Variants in APOC1 observed in about 807,000 individuals in gnomAD.
APOC1 encodes the protein apolipoprotein C1.
A neutral mutation model predicts 6.7 loss-of-function variants in APOC1; 4 were observed. The observed-to-expected ratio is 0.60, with a 90% CI of 0.29 to 1.37. APOC1 has a LOEUF of 1.37. Ranked by LOEUF, APOC1 falls within the 40% of genes most tolerant of loss-of-function variation. The pLI, the probability that APOC1 is intolerant of heterozygous loss-of-function variation, is 0.09. For synonymous variants in APOC1, 33 were observed against 40.6 expected (o/e 0.81, Z 0.72); for missense variants, 122 against 99.4 (o/e 1.23, Z -0.97).
Position 44,919,317 on chromosome 19 carries a change from A to T in APOC1, c.*87A>T. ...CTGAGGACTCCCTCCATGTGGCCCC[A>T]GGTGCCACCAATAAAAATCCTACAG... On this transcript the variant is annotated 3_prime_UTR_variant, in exon 4 of 4. Transcript: ENST00000592535. 1.7e-6 allele frequency: 2 copies of T among 1,159,662 alleles called. No individual in the cohort carries two copies. The highest frequency in any genetic ancestry group is 2.6e-6 in the Non-Finnish European group (2 of 781,112). The allele number at this position is 1,159,662 out of a possible 1,614,324, so 71.8% of individuals were successfully genotyped here. A position where few individuals can be genotyped will look rare whatever the true frequency, so the allele number is the denominator to read the frequency against.
At chr19:44,915,527 T>C (rs1969988920) in intron 2 of APOC1, among the ~76,000 whole-genome samples, 1 of 150,934 alleles carries the variant, frequency 6.6e-6, no homozygotes, top group Non-Finnish European at 1.5e-5. Context: ...CTCGATCTCC[T>C]GACTTTGTGA....
intron 3 of APOC1, among the ~76,000 whole-genome samples, chr19:44,917,527 AT>A (rs1555791502): frequency 9.2e-5 from 14 of 151,852 alleles, no homozygotes; most frequent in Non-Finnish European, 1.0e-4. Flanking sequence ...GCAGTGCGCC[AT>A]GTTTGTGCCA....
At chr19:44,917,480 A>C (rs1262477570) in intron 3 of APOC1, among the ~76,000 whole-genome samples, 8 of 152,128 alleles carry the variant, frequency 5.3e-5, no homozygotes, top group Non-Finnish European at 1.2e-4. Flanking sequence ...TGGGAGGCTG[A>C]GGCGAGAGGA....
chr19:44,914,646 A>G lies in APOC1; in HGVS notation c.-108A>G, dbSNP rs1259779327. On this transcript the variant is annotated 5_prime_UTR_variant, in exon 1 of 4. Coordinates refer to ENST00000592535, the MANE Select transcript of APOC1 (RefSeq NM_001645.5). Reference sequence around the variant, plus strand: ...AAGGCTCAGGAGGAGGGAGATCAACATCAACCTGCCCCGCCCCCTCCCCAG... The same window carrying G: ...AAGGCTCAGGAGGAGGGAGATCAACGTCAACCTGCCCCGCCCCCTCCCCAG... 1.9e-6 allele frequency: 1 copy of G among 539,862 alleles called. No individual in the cohort carries two copies. Among genetic ancestry groups the G allele is most frequent in the Non-Finnish European group, 3.3e-6 (1 of 298,698 alleles). 33.4% of individuals were successfully genotyped at this position (539,862 alleles called of 1,614,324 possible).
chr19:44,917,936 T>C (rs193149179), intron 3 of APOC1, among the ~76,000 whole-genome samples: 9 of 150,804 alleles, frequency 6.0e-5, no homozygotes, highest in Admixed American at 2.0e-4. Flanking sequence ...ATCATGCCAC[T>C]GCACTCCAGC....
intron 3 of APOC1, among the ~76,000 whole-genome samples, chr19:44,918,511 GC>G (rs2122164811): frequency 6.7e-6 from 1 of 150,174 alleles, no homozygotes; most frequent in Admixed American, 6.6e-5. Flanking sequence ...ACAGGCACCT[GC>G]CACCACGCCA....
At chr19:44,916,682 T>G (rs1244788561) in intron 3 of APOC1, among the ~76,000 whole-genome samples, 1 of 151,154 alleles carries the variant, frequency 6.6e-6, no homozygotes, top group Non-Finnish European at 1.5e-5. Context: ...TAGGCAGGCA[T>G]GGTGGCGTGC....
At position 44,916,232 on chromosome 19, in the gene APOC1, T is replaced by C. The variant is rs753335188; in HGVS notation, c.101T>C (p.Leu34Ser). 1 of 1,609,832 alleles carries C rather than the reference T, an allele frequency of 6.2e-7. No individual in the cohort carries two copies. Among genetic ancestry groups the C allele is most frequent in the Non-Finnish European group, 8.5e-7 (1 of 1,178,308 alleles). The part of the protein sequence containing the change: ...AQGTPDVSSA[L>S]DKLKEFGNTL... ...GGGACCCCAGACGTCTCCAGTGCCT[T>C]GGATAAGCTGAAGGAGTTTGGAAAC... Residue 34 changes from leucine (L) to serine (S), a missense_variant, in exon 3 of 4, where the codon TTG (leucine) becomes TCG (serine). Leu to Ser is a moderately radical substitution (Grantham distance 145). Transcript: ENST00000592535.
intron 3 of APOC1, chr19:44,916,596 T>C: frequency 1.9e-6 from 1 of 533,250 alleles, no homozygotes; most frequent in South Asian, 2.8e-5. Context: ...GGTGGGCTGA[T>C]TGCCTGAGGT....
At chr19:44,916,731 A>G (rs899912106) in intron 3 of APOC1, among the ~76,000 whole-genome samples, 1 of 146,196 alleles carries the variant, frequency 6.8e-6, no homozygotes, top group Non-Finnish European at 1.5e-5. Flanking sequence ...GAGGCAGGGG[A>G]ATTGCTTGAA....
chr19:44,918,922 G>C, intron 3 of APOC1: 1 of 516,454 alleles, frequency 1.9e-6, no homozygotes, highest in South Asian at 2.9e-5. Flanking sequence ...GCCTCCCAAA[G>C]TGTTGGGATT....
In APOC1 at chr19:44,916,480, C is replaced by T. The variant is rs555051945; in HGVS notation, c.194+155C>T. The T allele has an allele frequency of 1.8e-3, 1,815 of 995,580 alleles. 3 individuals carry two copies. Among genetic ancestry groups the T allele is most frequent in the Non-Finnish European group, 2.5e-3 (1,713 of 685,888 alleles). The allele number at this position is 995,580 out of a possible 1,614,324, so 61.7% of individuals were successfully genotyped here. ...ACAGCTAGATCTCAAGGTGCTCAGA[C>T]TTCAAGGACAGTTTCCCTGACTCCC... On this transcript the variant is annotated intron_variant, in intron 3 of 3. Transcript: ENST00000592535.
At chr19:44,917,615 G>A (rs934864789) in intron 3 of APOC1, among the ~76,000 whole-genome samples, 1 of 134,974 alleles carries the variant, frequency 7.4e-6, no homozygotes, top group African/African-American at 2.7e-5. Flanking sequence ...AAAGAGAAAA[G>A]AAAGACAGGG....
At position 44,915,530 on chromosome 19, in the gene APOC1, CTT is replaced by C. The variant is rs1381557907; in HGVS notation, c.58+583_58+584del. 1.5e-4 allele frequency among the ~76,000 whole-genome samples: 22 copies of C among 151,172 alleles called. No homozygotes were observed. In the East Asian group the frequency reaches 4.4e-3, roughly 30 times the overall value. ...TTTCACCGTGGTCTCGATCTCCTGA[CTT>C]TGTGATCCGCCTGCCTCGACCTCCC... is the stretch of plus-strand genomic sequence containing the variant. On this transcript the variant is annotated intron_variant, in intron 2 of 3. Transcript: ENST00000592535.
At chr19:44,918,679 A>AT (rs1970050962) in intron 3 of APOC1, among the ~76,000 whole-genome samples, 1 of 146,044 alleles carries the variant, frequency 6.8e-6, no homozygotes, top group Non-Finnish European at 1.5e-5. Flanking sequence ...GCCCGGCCTT[A>AT]TTTTTTCTTT....
At position 44,916,234 on chromosome 19, in the gene APOC1, G is replaced by GATAAGCT. The variant is rs751007321; in HGVS notation, c.104_110dup (p.Lys38Ter). The GATAAGCT allele has an allele frequency of 1.9e-6, 3 of 1,613,138 alleles. No individual in the cohort carries two copies. The Admixed American group carries it at 5.0e-5, about 27-fold the overall frequency. ...GACCCCAGACGTCTCCAGTGCCTTG[G>GATAAGCT]ATAAGCTGAAGGAGTTTGGAAACAC... On this transcript the variant is annotated frameshift_variant, in exon 3 of 4. Coordinates refer to ENST00000592535, the MANE Select transcript of APOC1 (RefSeq NM_001645.5). LOFTEE classifies it high-confidence loss of function.
intron 3 of APOC1, among the ~76,000 whole-genome samples, chr19:44,916,825 A>C (rs73052335): frequency 0.086 from 12,473 of 144,600 alleles, 764 homozygotes; most frequent in Non-Finnish European, 0.12. Flanking sequence ...AAAAAAAAAA[A>C]AAAAAAAAAA....
At chr19:44,915,046 C>T (rs759121979) in intron 2 of APOC1, 97 bp downstream of exon 2, 36 of 1,381,256 alleles carry the variant, frequency 2.6e-5, no homozygotes, top group African/African-American at 2.3e-4. Flanking sequence ...CTGAGAGCTC[C>T]GGGGCCCCTT....
chr19:44,917,516 T>A (rs1433466551), intron 3 of APOC1, among the ~76,000 whole-genome samples: 5 of 151,996 alleles, frequency 3.3e-5, no homozygotes, highest in African/African-American at 1.2e-4. Flanking sequence ...AGATCTAGGC[T>A]GCAGTGCGCC....
Sources: gnomAD v4.1 joint callset for allele counts (sites outside exome capture counted in the v4.1 genomes callset) on GRCh38, gnomAD v4.1.1 for gene constraint, MANE v1.5 for transcripts, NCBI Gene and HGNC (gene_info 2026-07-23, HGNC 2026-07-21) for gene names.